SRCIN1: variants seen among roughly 807,000 people sequenced by gnomAD.
SRCIN1 encodes SRC kinase signaling inhibitor 1.
Under a neutral mutation model 116.2 loss-of-function variants are expected in SRCIN1, and 50 were observed. That is an observed-to-expected ratio of 0.43 (90% confidence interval 0.34 to 0.54). The LOEUF (loss-of-function observed/expected upper bound fraction) is 0.54, where lower values mean the gene tolerates loss of function less well. SRCIN1 is among the 20% of genes least tolerant of loss of function. SRCIN1 has a pLI of 0.02. For missense variants in SRCIN1, 1,446 were observed against 1,672.0 expected, an observed-to-expected ratio of 0.86 and a Z score of 2.36; for synonymous variants, 736 against 750.0, an observed-to-expected ratio of 0.98 and a Z score of 0.30.
At chr17:38,536,101 C>T (rs1904363782) in intron 18 of SRCIN1, among the ~76,000 whole-genome samples, 1 of 152,224 alleles carries the variant, frequency 6.6e-6, no homozygotes, top group Non-Finnish European at 1.5e-5. Flanking sequence ...TCCAGCTTCA[C>T]CAGTTTATGG....
At chr17:38,564,708 T>G (rs1466858393) in intron 3 of SRCIN1, among the ~76,000 whole-genome samples, 2 of 134,390 alleles carry the variant, frequency 1.5e-5, no homozygotes, top group Admixed American at 7.8e-5. Flanking sequence ...AAGTGGCAGG[T>G]TTGTGAGCGG....
intron 11 of SRCIN1, among the ~76,000 whole-genome samples, chr17:38,557,824 G>C (rs1411828488): frequency 6.6e-6 from 1 of 152,218 alleles, no homozygotes; most frequent in African/African-American, 2.4e-5. Context: ...GGCTGGAGCA[G>C]TGACGGCACC....
chr17:38,549,242 G>A, intron 15 of SRCIN1, 32 bp from the exon 16 acceptor site: 3 of 1,493,500 alleles, frequency 2.0e-6, no homozygotes, highest in Non-Finnish European at 2.7e-6. Flanking sequence ...GGGTCAGCAG[G>A]CCTGCAACCT....
At chr17:38,534,972 A>AT (rs1555604111) in intron 18 of SRCIN1, among the ~76,000 whole-genome samples, 10 of 151,872 alleles carry the variant, frequency 6.6e-5, no homozygotes, top group East Asian at 5.8e-4. Flanking sequence ...TAAAAAAAAA[A>AT]TTTTTTTTAA....
At chr17:38,550,564 T>G (rs1235624728) in intron 15 of SRCIN1, among the ~76,000 whole-genome samples, 1 of 152,174 alleles carries the variant, frequency 6.6e-6, no homozygotes, top group Admixed American at 6.6e-5. Context: ...ATGGAACAGT[T>G]CTTATCACAG....
chr17:38,593,543 C>A (rs1477176617), intron 1 of SRCIN1, among the ~76,000 whole-genome samples: 1 of 152,112 alleles, frequency 6.6e-6, no homozygotes, highest in Non-Finnish European at 1.5e-5. Flanking sequence ...CTTAACCCCT[C>A]AGGTCTGTCG....
At position 38,533,282 on chromosome 17, in the gene SRCIN1, C is replaced by T. The variant is rs370292461; in HGVS notation, c.*15G>A. 56 of 1,331,160 alleles carry T rather than the reference C, an allele frequency of 4.2e-5. No individual in the cohort carries two copies. Among genetic ancestry groups the T allele is most frequent in the East Asian group, 7.8e-5 (3 of 38,422 alleles). The allele number at this position is 1,331,160 out of a possible 1,614,324, so 82.5% of individuals were successfully genotyped here. ...TGAGGGAGGGGGACAGGCGGGGCAGCGGGGTGAGGGGCTTCTAGAAGGAGA... is the reference window on the plus strand; with the variant it reads ...TGAGGGAGGGGGACAGGCGGGGCAGTGGGGTGAGGGGCTTCTAGAAGGAGA... On this transcript the variant is annotated 3_prime_UTR_variant, in exon 19 of 19. Coordinates refer to ENST00000617146, the MANE Select transcript of SRCIN1 (RefSeq NM_025248.3).
At chr17:38,601,636 ACG>A (rs1170738263) in intron 1 of SRCIN1, among the ~76,000 whole-genome samples, 1 of 108,054 alleles carries the variant, frequency 9.3e-6, no homozygotes, top group Admixed American at 9.8e-5. Context: ...ATACACACAC[ACG>A]CACACACACA....
chr17:38,561,658 C>A lies in SRCIN1; in HGVS notation c.1505G>T (p.Gly502Val). ...GCGGAAGGACTGGCGCACTGGCGAGCCGCGGCTGGGCGGCCCCGAGTAGGG... is the reference window on the plus strand; with the variant it reads ...GCGGAAGGACTGGCGCACTGGCGAGACGCGGCTGGGCGGCCCCGAGTAGGG... Reference protein sequence around the residue: ...HSPYSGPPSRGSPVRQSFRKD... With the variant: ...HSPYSGPPSRVSPVRQSFRKD... The change falls in exon 7 of 19, where the codon GGC (glycine) becomes GTC (valine). Residue 502 changes from glycine to valine, a missense_variant. Around this residue, in one of 5 missense-constraint regions of SRCIN1, gnomAD observed 398 missense variants for 385.6 expected, o/e 1.03. Coordinates refer to ENST00000617146, the MANE Select transcript of SRCIN1 (RefSeq NM_025248.3). The A allele has an allele frequency of 6.4e-7, 1 of 1,559,240 alleles. No homozygotes were observed.
intron 2 of SRCIN1, among the ~76,000 whole-genome samples, chr17:38,575,674 C>T (rs1019612230): frequency 4.6e-5 from 7 of 152,122 alleles, no homozygotes; most frequent in Admixed American, 4.6e-4. Flanking sequence ...AAATAGGAAC[C>T]GCTGGGCAGG....
In SRCIN1 at chr17:38,564,215, C is replaced by G. The variant is rs772920748; in HGVS notation, c.444G>C (p.Ser148=). The change falls in exon 4 of 19, where the codon TCG becomes TCC. Residue 148 remains serine, a synonymous_variant. Transcript: ENST00000617146. ...TGAAGCCCAGGGGCAGCTCGGCCTC[C>G]GACATGGTCTCCAGCGACTCGGCGG... ...YASAESLETM[S]EAELPLGFSR... 6.9e-6 allele frequency: 11 copies of G among 1,584,202 alleles called. No individual in the cohort carries two copies. In the South Asian group the frequency reaches 1.0e-4, roughly 15 times the overall value.
rs1904936680 is a variant in SRCIN1, at chr17:38,544,246, G to A, written c.3271-277C>T. On this transcript the variant is annotated intron_variant, in intron 17 of 18. Coordinates refer to ENST00000617146, the MANE Select transcript of SRCIN1 (RefSeq NM_025248.3). The surrounding 1 kb of genome is among the most constrained non-coding windows in gnomAD (Gnocchi z 4.5). Reference sequence around the variant, plus strand: ...CGGTGGCTTCCTTGAGTAGCTCAGGGGCAGCTGATGCCCTCCTTGGGGAGC... The same window carrying A: ...CGGTGGCTTCCTTGAGTAGCTCAGGAGCAGCTGATGCCCTCCTTGGGGAGC... 6.6e-6 allele frequency among the ~76,000 whole-genome samples: 1 copy of A among 152,116 alleles called. No individual in the cohort carries two copies. The highest frequency in any genetic ancestry group is 2.4e-5 in the African/African-American group (1 of 41,426).
intron 15 of SRCIN1, among the ~76,000 whole-genome samples, chr17:38,549,945 A>T (rs1456047113): frequency 6.6e-6 from 1 of 152,210 alleles, no homozygotes; most frequent in Non-Finnish European, 1.5e-5. Context: ...CTCACTAGCT[A>T]GGGAAGTGCC....
At chr17:38,534,675 A>C (rs953758470) in intron 18 of SRCIN1, among the ~76,000 whole-genome samples, 2 of 152,180 alleles carry the variant, frequency 1.3e-5, no homozygotes, top group Admixed American at 1.3e-4. Context: ...AGTCTAAAGC[A>C]AGCCCTGTCT....
At chr17:38,603,214 A>G (rs549483559) in intron 1 of SRCIN1, among the ~76,000 whole-genome samples, 1 of 151,396 alleles carries the variant, frequency 6.6e-6, no homozygotes, top group African/African-American at 2.4e-5. Flanking sequence ...GGAGAGGGGG[A>G]GAGAGAGAGA....
chr17:38,549,181 C>A lies in SRCIN1; in HGVS notation c.2992G>T (p.Glu998Ter). ...DELTVPRYRT[E>*]KPSKSPPPPP... ...GGTGGGGGCGACTTGGAGGGCTTCT[C>A]TGTGCGGTATCGGGGCACGGTCAAC... The change falls in exon 16 of 19, where the codon GAG becomes TAG. Residue 998 changes from glutamate to a stop codon, truncating the protein, a stop_gained. Transcript: ENST00000617146. LOFTEE classifies it high-confidence loss of function. 1 of 1,573,456 alleles carries A rather than the reference C, an allele frequency of 6.4e-7. No individual in the cohort carries two copies. The highest frequency in any genetic ancestry group is 1.2e-5 in the South Asian group (1 of 85,420).
chr17:38,581,681 A>G (rs992792444), intron 1 of SRCIN1, among the ~76,000 whole-genome samples: 1 of 152,186 alleles, frequency 6.6e-6, no homozygotes, highest in African/African-American at 2.4e-5. Context: ...AATTCGTGAA[A>G]TAGACCCTGA....
chr17:38,573,872 G>A (rs1246128168), intron 2 of SRCIN1, among the ~76,000 whole-genome samples: 3 of 152,238 alleles, frequency 2.0e-5, no homozygotes, highest in African/African-American at 7.2e-5. Context: ...CCAAGATGGG[G>A]CTTGGGAACT....
intron 1 of SRCIN1, among the ~76,000 whole-genome samples, 159 bp from the exon 2 acceptor site, chr17:38,578,950 AC>A (rs1286758037): frequency 2.0e-5 from 3 of 152,150 alleles, no homozygotes; most frequent in Non-Finnish European, 2.9e-5. Context: ...CCCACTAGGG[AC>A]TGAAGGGGGA....
Sources: allele counts gnomAD v4.1 joint callset (sites outside exome capture counted in the v4.1 genomes callset), GRCh38; gene constraint gnomAD v4.1.1; regional missense constraint gnomAD v4.1.1; non-coding constraint Gnocchi (gnomAD v3.1); transcripts MANE v1.5; gene names NCBI Gene and HGNC (gene_info 2026-07-23, HGNC 2026-07-21).